The following TMEM230 variants were observed in gnomAD, a reference collection of about 807,000 sequenced individuals.
TMEM230 encodes transmembrane protein 230, also known as UPF0414 transmembrane protein C20orf30.
Under a neutral mutation model 15.8 loss-of-function variants are expected in TMEM230, and 10 were observed. That is an observed-to-expected ratio of 0.63 (90% CI 0.39 to 1.07). TMEM230 has a LOEUF of 1.07. Among genes scored for constraint, TMEM230 ranks in the 50% least tolerant of loss-of-function variants. The pLI, the probability that TMEM230 is intolerant of heterozygous loss-of-function variation, is 0.01. For missense variants in TMEM230, 165 were observed against 193.3 expected, an observed-to-expected ratio of 0.85 and a Z score of 0.87; for synonymous variants, 67 against 76.9, an observed-to-expected ratio of 0.87 and a Z score of 0.68.
chr20:5,092,979 G>C (rs2089554011), intron 3 of TMEM230, among the ~76,000 whole-genome samples: 1 of 152,118 alleles, frequency 6.6e-6, no homozygotes, highest in Non-Finnish European at 1.5e-5. Context: ...ATTTGACATA[G>C]TAATGGAAAT....
chr20:5,090,077 C>A (rs2089464787), intron 3 of TMEM230, among the ~76,000 whole-genome samples: 1 of 151,336 alleles, frequency 6.6e-6, no homozygotes, highest in Non-Finnish European at 1.5e-5. Context: ...AAATCTTCCA[C>A]AAAGGAGATC....
At chr20:5,066,798 G>C (rs1300453561), downstream of TMEM230, among the ~76,000 whole-genome samples, 1 of 152,064 alleles carries the variant, frequency 6.6e-6, no homozygotes, top group African/African-American at 2.4e-5. Context: ...CGCTGACCCG[G>C]GTTCATGCTC....
At chr20:5,067,602 C>A (rs1342723464), downstream of TMEM230, among the ~76,000 whole-genome samples, 1 of 150,568 alleles carries the variant, frequency 6.6e-6, no homozygotes, top group Non-Finnish European at 1.5e-5. Context: ...TGCCACCACA[C>A]CCGGCTAATT....
chr20:5,067,302 G>A (rs1245409328), downstream of TMEM230: 2 of 151,222 alleles, frequency 1.3e-5, no homozygotes, highest in Admixed American at 6.6e-5. Flanking sequence ...AAGTCTCAGT[G>A]GTGCTGGAGA....
intron 1 of TMEM230, among the ~76,000 whole-genome samples, chr20:5,112,490 CAA>C (rs2090366551): frequency 1.3e-5 from 2 of 152,182 alleles, no homozygotes; most frequent in Admixed American, 1.3e-4. Context: ...CGCATCAAAA[CAA>C]TACATCGCAG....
rs2715 is a variant in TMEM230, at chr20:5,100,403, T to C, written c.*388A>G. 503,871 of 990,270 alleles carry C rather than the reference T, an allele frequency of 0.51. 133,070 individuals carry two copies. Among genetic ancestry groups the C allele is most frequent in the East Asian group, 0.84 (7,649 of 9,100 alleles). The allele number at this position is 990,270 out of a possible 1,614,324, so 61.3% of individuals were successfully genotyped here. A position where few individuals can be genotyped will look rare whatever the true frequency, so the allele number is the denominator to read the frequency against. On this transcript the variant is annotated 3_prime_UTR_variant, in exon 5 of 5. Transcript: ENST00000342308. ...TATACTCAGATATTTTTAAAATAAA[T>C]TACTTAATAATAAGAAATTAGCCAT...
downstream of TMEM230, among the ~76,000 whole-genome samples, chr20:5,065,645 G>T (rs1307061317): frequency 6.6e-6 from 1 of 152,174 alleles, no homozygotes; most frequent in African/African-American, 2.4e-5. Flanking sequence ...CAGGTGTCCT[G>T]GACGCATGTG....
downstream of TMEM230, among the ~76,000 whole-genome samples, chr20:5,065,550 G>C (rs1034286824): frequency 2.6e-5 from 4 of 152,156 alleles, no homozygotes; most frequent in Non-Finnish European, 5.9e-5. Flanking sequence ...CTGTGAGTGG[G>C]GCCTATTTTC....
downstream of TMEM230, among the ~76,000 whole-genome samples, chr20:5,098,838 C>T (rs937136491): frequency 1.3e-5 from 2 of 151,832 alleles, no homozygotes; most frequent in African/African-American, 4.8e-5. Flanking sequence ...ACAATGGGAG[C>T]CCAAGTTTTA....
intron 2 of TMEM230, among the ~76,000 whole-genome samples, chr20:5,109,936 G>A (rs1415209310): frequency 6.6e-6 from 1 of 152,244 alleles, no homozygotes; most frequent in African/African-American, 2.4e-5. Context: ...GAAGAGGGCA[G>A]AGAATGGAAT....
intron 4 of TMEM230, 70 bp from the exon 4 acceptor site, chr20:5,101,001 C>T (rs1372328152): frequency 1.9e-6 from 3 of 1,574,660 alleles, no homozygotes; most frequent in African/African-American, 2.7e-5. Context: ...ACGTCACAGA[C>T]CTAATCCTTA....
chr20:5,111,873 G>A lies in TMEM230; in HGVS notation c.69-268C>T, dbSNP rs1166725255. 5.3e-6 allele frequency: 4 copies of A among 758,532 alleles called. No homozygotes were observed. The African/African-American group carries it at 5.7e-5, about 11-fold the overall frequency. The allele number at this position is 758,532 out of a possible 1,614,324, so 47.0% of individuals were successfully genotyped here. Reference sequence around the variant, plus strand: ...GGTGTTTTCTTTTTTTTGAGACGGAGTCTCGCTCTGTCACCCAGGCTAGAG... The same window carrying A: ...GGTGTTTTCTTTTTTTTGAGACGGAATCTCGCTCTGTCACCCAGGCTAGAG... On this transcript the variant is annotated intron_variant, in intron 1 of 4. Transcript: ENST00000342308.
chr20:5,076,594 T>C (rs922924277), intron 3 of TMEM230, among the ~76,000 whole-genome samples: 2 of 151,938 alleles, frequency 1.3e-5, no homozygotes, highest in African/African-American at 4.8e-5. Flanking sequence ...GACTCACCAA[T>C]TTGTATTTGT....
chr20:5,096,952 A>G (rs261346), downstream of TMEM230, among the ~76,000 whole-genome samples: 152,098 of 152,286 alleles, frequency 1, 75,957 homozygotes, highest in Middle Eastern at 1. Flanking sequence ...TGGAAACTTT[A>G]GTGAACTGGA....
At chr20:5,072,559 C>T (rs1012515788) in intron 3 of TMEM230, among the ~76,000 whole-genome samples, 6 of 151,922 alleles carry the variant, frequency 3.9e-5, no homozygotes, top group African/African-American at 1.5e-4. Context: ...TCCTGAAGAT[C>T]TAGTTCCAGC....
chr20:5,066,890 C>T (rs1405907838), downstream of TMEM230, among the ~76,000 whole-genome samples: 3 of 152,014 alleles, frequency 2.0e-5, no homozygotes, highest in Non-Finnish European at 4.4e-5. Flanking sequence ...GGGTCCTCAG[C>T]TGCCAATCCA....
chr20:5,082,234 TTCTCTC>T (rs59648052), intron 3 of TMEM230, among the ~76,000 whole-genome samples: 8 of 149,000 alleles, frequency 5.4e-5, no homozygotes, highest in African/African-American at 2.0e-4. Context: ...CTCTCTCTCT[TTCTCTC>T]TCTCTCTCTC....
chr20:5,088,340 C>T (rs1176050502), intron 3 of TMEM230, among the ~76,000 whole-genome samples: 1 of 146,106 alleles, frequency 6.8e-6, no homozygotes, highest in Non-Finnish European at 1.5e-5. Context: ...GTTTCAAACA[C>T]AATTAATTCA....
chr20:5,087,909 T>C lies in TMEM230; in HGVS notation c.222+18279A>G, dbSNP rs577035601. On this transcript the variant is annotated intron_variant, in intron 3 of 3. Coordinates refer to the TMEM230 transcript ENST00000612323. ...GGTTTCAACATGTTGGCCAGGTGAG[T>C]CTCAAACTCCTGGCCTCAAGTGATC... Among the ~76,000 whole-genome samples the C allele has an allele frequency of 1.4e-4, 20 of 146,960 alleles. No individual in the cohort carries two copies. In the South Asian group the frequency reaches 2.7e-3, roughly 19 times the overall value.
Sources: allele counts gnomAD v4.1 joint callset (sites outside exome capture counted in the v4.1 genomes callset), GRCh38; gene constraint gnomAD v4.1.1; transcripts MANE v1.5; gene names NCBI Gene and HGNC (gene_info 2026-07-23, HGNC 2026-07-21).